SNX8: variants seen among roughly 807,000 people sequenced by gnomAD.
SNX8 encodes sorting nexin 8.
Under a neutral mutation model 51.6 loss-of-function variants are expected in SNX8, and 25 were observed. The ratio of observed to expected loss-of-function variants is 0.48; its 90% CI spans 0.35 to 0.68. The LOEUF (loss-of-function observed/expected upper bound fraction) is 0.68. Among genes scored for constraint, SNX8 ranks in the 30% least tolerant of loss-of-function variants. The probability of loss-of-function intolerance (pLI) is 0.00; values close to 1 mark genes in which losing one functional copy is unlikely to be tolerated. For missense variants in SNX8, 695 were observed against 624.0 expected (o/e 1.11, Z -1.21); for synonymous variants, 324 against 277.0 (o/e 1.17, Z -1.68).
chr7:2,323,829 C>T (rs1002320010), intron 1 of SNX8, among the ~76,000 whole-genome samples: 2 of 152,032 alleles, frequency 1.3e-5, no homozygotes, highest in Admixed American at 6.6e-5. Flanking sequence ...GTTTTGAGAC[C>T]GACTCTTGCT....
At chr7:2,270,885 G>A (rs990135312) in intron 4 of SNX8, among the ~76,000 whole-genome samples, 1 of 151,988 alleles carries the variant, frequency 6.6e-6, no homozygotes, top group Non-Finnish European at 1.5e-5. Flanking sequence ...CCCTGAAATA[G>A]AGGAGAGCCT....
chr7:2,314,607 G>T (rs1160415372), upstream of SNX8: 35 of 441,128 alleles, frequency 7.9e-5, no homozygotes, highest in Non-Finnish European at 1.1e-4. Context: ...AACCCGCCTA[G>T]CCACGCCCAC....
intron 1 of SNX8, among the ~76,000 whole-genome samples, chr7:2,297,275 G>T (rs1796292764): frequency 6.6e-6 from 1 of 151,830 alleles, no homozygotes; most frequent in South Asian, 2.1e-4. Flanking sequence ...AAGGGGACGG[G>T]CATGGTGGCT....
chr7:2,291,050 T>G (rs1796139546), intron 1 of SNX8, among the ~76,000 whole-genome samples: 1 of 152,054 alleles, frequency 6.6e-6, no homozygotes, highest in Non-Finnish European at 1.5e-5. Context: ...TCCCAGAACT[T>G]TGGGAGGCTG....
At chr7:2,310,267 T>C (rs1343917149) in intron 1 of SNX8, among the ~76,000 whole-genome samples, 1 of 152,122 alleles carries the variant, frequency 6.6e-6, no homozygotes, top group Non-Finnish European at 1.5e-5. Flanking sequence ...AAAAAACCCT[T>C]ATCCTGCATA....
chr7:2,257,363 A>C lies in SNX8; in HGVS notation c.1134+2T>G, dbSNP rs1196497623. 2 of 1,604,340 alleles carry C rather than the reference A, an allele frequency of 1.2e-6. No homozygotes were observed. Among genetic ancestry groups the C allele is most frequent in the South Asian group, 2.2e-5 (2 of 90,838 alleles). ...GGCCTGCTCGGCCGCCCCGCCACCCACCTCCACAATGCGGGACTCCAGCTG... is the reference window on the plus strand; with the variant it reads ...GGCCTGCTCGGCCGCCCCGCCACCCCCCTCCACAATGCGGGACTCCAGCTG... On this transcript the variant is annotated splice_donor_variant, in intron 9 of 10. Coordinates refer to ENST00000222990, the MANE Select transcript of SNX8 (RefSeq NM_013321.4). LOFTEE classifies it high-confidence loss of function.
chr7:2,279,718 A>T (rs1376177255), intron 1 of SNX8, among the ~76,000 whole-genome samples: 1 of 149,320 alleles, frequency 6.7e-6, no homozygotes, highest in African/African-American at 2.5e-5. Flanking sequence ...GCACCACTGC[A>T]TTCTAGCCTA....
At chr7:2,304,266 C>A (rs1459011521) in intron 1 of SNX8, among the ~76,000 whole-genome samples, 2 of 152,046 alleles carry the variant, frequency 1.3e-5, no homozygotes, top group Admixed American at 6.5e-5. Context: ...TCTCCCCGGC[C>A]GGGCACGGCA....
intron 7 of SNX8, 147 bp from the exon 8 acceptor site, chr7:2,257,950 G>T (rs1422445746): frequency 1.5e-6 from 1 of 688,996 alleles, no homozygotes; most frequent in Non-Finnish European, 2.5e-6. Flanking sequence ...TCTGCAGGGG[G>T]CCCCCTTCCC....
rs932574647 is a variant in SNX8, at chr7:2,253,372, G to C, written c.*1684C>G. 1 of 152,870 alleles carries C rather than the reference G, an allele frequency of 6.5e-6. No individual in the cohort carries two copies. Among genetic ancestry groups the C allele is most frequent in the African/African-American group, 2.4e-5 (1 of 41,456 alleles). 9.5% of individuals were successfully genotyped at this position (152,870 alleles called of 1,614,324 possible). On this transcript the variant is annotated 3_prime_UTR_variant, in exon 11 of 11. Transcript: ENST00000222990. ...GGCCCCAGGAAGGTGCGGGGTGGACGGAGAGGCCTTGCAGCCTTCTGCCCA... is the reference window on the plus strand; with the variant it reads ...GGCCCCAGGAAGGTGCGGGGTGGACCGAGAGGCCTTGCAGCCTTCTGCCCA...
chr7:2,302,201 T>C (rs972919315), intron 1 of SNX8, among the ~76,000 whole-genome samples: 2 of 152,238 alleles, frequency 1.3e-5, no homozygotes, highest in Non-Finnish European at 2.9e-5. Flanking sequence ...GCAACCTCCC[T>C]GCCTGATTCT....
chr7:2,257,965 A>T (rs1020894234), intron 7 of SNX8, among the ~76,000 whole-genome samples, 162 bp from the exon 8 acceptor site: 1 of 148,096 alleles, frequency 6.8e-6, no homozygotes, highest in African/African-American at 2.5e-5. Flanking sequence ...CTTCCCCACC[A>T]GCCCACCCAT....
chr7:2,269,103 G>GA (rs1211820121), intron 5 of SNX8, among the ~76,000 whole-genome samples: 3 of 141,546 alleles, frequency 2.1e-5, no homozygotes, highest in African/African-American at 7.7e-5. Flanking sequence ...GAAAGGTGGG[G>GA]AAAAGATTGA....
At chr7:2,306,252 C>T (rs10248792) in intron 1 of SNX8, among the ~76,000 whole-genome samples, 11 of 152,204 alleles carry the variant, frequency 7.2e-5, no homozygotes, top group African/African-American at 1.9e-4. Flanking sequence ...CTCAGGCTCC[C>T]GAGTAGCTGG....
intron 1 of SNX8, among the ~76,000 whole-genome samples, chr7:2,303,752 G>A (rs201373309): frequency 4.0e-5 from 6 of 151,516 alleles, no homozygotes; most frequent in Non-Finnish European, 4.4e-5. Context: ...GATCCTGAAG[G>A]CAGCATGCTC....
chr7:2,303,412 T>A (rs903185206), intron 1 of SNX8, among the ~76,000 whole-genome samples: 1 of 151,196 alleles, frequency 6.6e-6, no homozygotes, highest in East Asian at 2.0e-4. Context: ...TACTGGGAAG[T>A]GAGGAGCCCC....
rs985847575 is a variant in SNX8, at chr7:2,314,388, C to T, written c.34G>A (p.Ala12Thr). 39 of 1,221,340 alleles carry T rather than the reference C, an allele frequency of 3.2e-5. 1 individual carries two copies. The South Asian group carries it at 4.1e-4, about 13-fold the overall frequency. The allele number at this position is 1,221,340 out of a possible 1,614,324, so 75.7% of individuals were successfully genotyped here. Residue 12 changes from alanine to threonine, a missense_variant, in exon 1 of 11, where the codon GCT (alanine) becomes ACT (threonine). By Grantham distance (58) the Ala-to-Thr change is moderately conservative. Transcript: ENST00000222990. ...GCCTCAGCTGCCGCCCCGACTGCAG[C>T]CGCGGGCAGCGGGTCCATCGCGCGG... ...TGRAMDPLPA[A>T]AVGAAAEAEA... is the part of the protein sequence containing the mutation.
chr7:2,257,062 C>G (rs767436132), intron 9 of SNX8, 39 bp from the exon 10 acceptor site: 1 of 1,554,988 alleles, frequency 6.4e-7, no homozygotes, highest in Non-Finnish European at 8.7e-7. Flanking sequence ...CCGGCCCAGC[C>G]GGCGACGGGA....
chr7:2,310,720 A>G (rs1359452211), intron 1 of SNX8, among the ~76,000 whole-genome samples: 2 of 152,012 alleles, frequency 1.3e-5, no homozygotes, highest in Non-Finnish European at 2.9e-5. Flanking sequence ...GCAGTGAGCC[A>G]AGATCGCACC....
Sources: allele counts gnomAD v4.1 joint callset (sites outside exome capture counted in the v4.1 genomes callset), GRCh38; gene constraint gnomAD v4.1.1; transcripts MANE v1.5; gene names NCBI Gene and HGNC (gene_info 2026-07-23, HGNC 2026-07-21).